The following LIMCH1 variants were observed in gnomAD, a reference collection of about 807,000 sequenced individuals.
LIMCH1 encodes LIM and calponin homology domains-containing protein 1.
Under a neutral mutation model 176.5 loss-of-function variants are expected in LIMCH1, and 113 were observed. That is an observed-to-expected ratio of 0.64 (90% CI 0.55 to 0.75). The LOEUF (loss-of-function observed/expected upper bound fraction) is 0.75, where lower values mean the gene tolerates loss of function less well. Among genes scored for constraint, LIMCH1 ranks in the 30% least tolerant of loss-of-function variants. LIMCH1 has a pLI of 0.00. For synonymous variants in LIMCH1, 619 were observed against 645.9 expected, an observed-to-expected ratio of 0.96 and a Z score of 0.63; for missense variants, 1,674 against 1,814.9, an observed-to-expected ratio of 0.92 and a Z score of 1.41.
At position 41,554,301 on chromosome 4, in the gene LIMCH1, A is replaced by G. The variant is rs116926351; in HGVS notation, c.-241+15951A>G. The stretch of plus-strand genomic sequence containing the variant: ...TTGCTCATGCATCTGAGATGGCTGA[A>G]TTGGTGGCTCTGCTGAGGTTGGCCA... On this transcript the variant is annotated intron_variant, in intron 1 of 31. Coordinates refer to ENST00000503057, the MANE Select transcript of LIMCH1 (RefSeq NM_001330672.2). Among the ~76,000 whole-genome samples, 138 of 152,292 alleles carry G rather than the reference A, an allele frequency of 9.1e-4. 1 individual carries two copies. In the East Asian group the frequency reaches 0.019, roughly 21 times the overall value.
rs2080156113 is a variant in LIMCH1, at chr4:41,550,010, C to A, written c.-241+11660C>A. Among the ~76,000 whole-genome samples the A allele has an allele frequency of 2.0e-5, 3 of 151,524 alleles. No homozygotes were observed. In the South Asian group the frequency reaches 6.3e-4, roughly 32 times the overall value. ...TGGTTTTTGCCATTAAAAATAATGG[C>A]AAAATAAAAAGTAATGGCGAAAACC... On this transcript the variant is annotated intron_variant, in intron 1 of 31. Transcript: ENST00000503057.
At chr4:41,435,939 G>A (rs984245812) in intron 1 of LIMCH1, among the ~76,000 whole-genome samples, 2 of 152,106 alleles carry the variant, frequency 1.3e-5, no homozygotes, top group Admixed American at 1.3e-4. Context: ...TTGCCACTAC[G>A]TGACTCAAAT....
chr4:41,408,841 T>G (rs2059224907), intron 1 of LIMCH1, among the ~76,000 whole-genome samples: 1 of 152,202 alleles, frequency 6.6e-6, no homozygotes, highest in Non-Finnish European at 1.5e-5. Context: ...GGACAACTAT[T>G]GGCCCCAACA....
At chr4:41,581,828 A>AAAAAAAAC (rs2085527320) in intron 1 of LIMCH1, among the ~76,000 whole-genome samples, 1 of 150,470 alleles carries the variant, frequency 6.6e-6, no homozygotes, top group Non-Finnish European at 1.5e-5. Flanking sequence ...AAAAAAAAAA[A>AAAAAAAAC]AACAACAGCA....
rs16853445 is a variant in LIMCH1 at position 41,670,650 on chromosome 4, T to C, written c.3398-904T>C. 8.7e-3 allele frequency: 10,102 copies of C among 1,157,892 alleles called. 367 individuals are homozygous for C. The African/African-American group carries it at 0.096, about 11-fold the overall frequency. 71.7% of individuals were successfully genotyped at this position (1,157,892 alleles called of 1,614,324 possible). On this transcript the variant is annotated intron_variant, in intron 21 of 31. Coordinates refer to ENST00000503057, the MANE Select transcript of LIMCH1 (RefSeq NM_001330672.2). ...AAACTCCCTATAGTACTTGGGAGCA[T>C]GGTTCTATTCAGTTCTCACCCCAGT...
intron 18 of LIMCH1, among the ~76,000 whole-genome samples, chr4:41,657,225 T>A (rs1254849983): frequency 6.6e-6 from 1 of 152,224 alleles, no homozygotes; most frequent in Non-Finnish European, 1.5e-5. Context: ...TGAGAAAGTG[T>A]TACCAGTTGG....
At chr4:41,361,263 A>C (rs924119028) in intron 1 of LIMCH1, among the ~76,000 whole-genome samples, 4 of 152,214 alleles carry the variant, frequency 2.6e-5, no homozygotes, top group Non-Finnish European at 5.9e-5. Flanking sequence ...TGCCAAGGGA[A>C]GCGCAGTGCT....
chr4:41,689,646 A>T lies in LIMCH1; in HGVS notation c.4275+11A>T. 1 of 1,486,254 alleles carries T rather than the reference A, an allele frequency of 6.7e-7. No individual in the cohort carries two copies. Among genetic ancestry groups the T allele is most frequent in the Non-Finnish European group, 9.4e-7 (1 of 1,063,790 alleles). 92.1% of individuals were successfully genotyped at this position (1,486,254 alleles called of 1,614,324 possible). A position where few individuals can be genotyped will look rare whatever the true frequency, so the allele number is the denominator to read the frequency against. On this transcript the variant is annotated intron_variant, in intron 30 of 31. Transcript: ENST00000503057. ...ATCCAGTGTTTCAGGGTACGTACTTACTGCTTTGCTCTCCAGACACAACTT... is the reference window on the plus strand; with the variant it reads ...ATCCAGTGTTTCAGGGTACGTACTTTCTGCTTTGCTCTCCAGACACAACTT...
chr4:41,467,409 G>A (rs568527113), intron 1 of LIMCH1, among the ~76,000 whole-genome samples: 3 of 152,266 alleles, frequency 2.0e-5, no homozygotes, highest in East Asian at 1.9e-4. Context: ...GAGGTTTAAC[G>A]AATTCACAGT....
At chr4:41,472,935 A>G (rs2067196948) in intron 1 of LIMCH1, 1 of 710,042 alleles carries the variant, frequency 1.4e-6, no homozygotes. Flanking sequence ...CATCCCATGG[A>G]GCTAGGATTC....
At chr4:41,563,010 T>C (rs2082258440) in intron 1 of LIMCH1, among the ~76,000 whole-genome samples, 1 of 152,218 alleles carries the variant, frequency 6.6e-6, no homozygotes, top group Non-Finnish European at 1.5e-5. Context: ...AAGATGGGTC[T>C]ATTTTCCTCT....
At chr4:41,384,228 G>T (rs908916856) in intron 1 of LIMCH1, among the ~76,000 whole-genome samples, 1 of 150,820 alleles carries the variant, frequency 6.6e-6, no homozygotes, top group Non-Finnish European at 1.5e-5. Context: ...TTTTTGAGAC[G>T]GAGTCTTGCT....
At chr4:41,478,011 G>A (rs1008365580) in intron 1 of LIMCH1, among the ~76,000 whole-genome samples, 4 of 152,060 alleles carry the variant, frequency 2.6e-5, no homozygotes, top group African/African-American at 4.8e-5. Flanking sequence ...AGCATTTCTC[G>A]CCACAGTGTT....
intron 1 of LIMCH1, among the ~76,000 whole-genome samples, chr4:41,449,122 T>C (rs1342048415): frequency 1.3e-5 from 2 of 152,092 alleles, no homozygotes; most frequent in Non-Finnish European, 2.9e-5. Context: ...CAGGCCCAGT[T>C]TGGTCTGGGC....
At chr4:41,567,498 A>G (rs548747292) in intron 1 of LIMCH1, among the ~76,000 whole-genome samples, 72 of 152,320 alleles carry the variant, frequency 4.7e-4, no homozygotes, top group African/African-American at 1.6e-3. Context: ...GTAGTAATAT[A>G]TGACTGAGGC....
rs73233717 is a variant in LIMCH1, at chr4:41,586,060, C to T, written c.-240-12860C>T. ...CTTTTCCTTTCCCTTCCTTTCCCTCCCCTCCCCTCCGCTCCCTCTCCTCCC... is the reference window on the plus strand; with the variant it reads ...CTTTTCCTTTCCCTTCCTTTCCCTCTCCTCCCCTCCGCTCCCTCTCCTCCC... On this transcript the variant is annotated intron_variant, in intron 1 of 31. Transcript: ENST00000503057. Among the ~76,000 whole-genome samples the T allele has an allele frequency of 5.6e-3, 788 of 140,562 alleles. 4 individuals carry two copies. Among genetic ancestry groups the T allele is most frequent in the Non-Finnish European group, 0.01 (671 of 64,542 alleles). The allele number at this position is 140,562 out of a possible 152,430, so 92.2% of individuals were successfully genotyped here. A position where few individuals can be genotyped will look rare whatever the true frequency, so the allele number is the denominator to read the frequency against.
At chr4:41,444,911 G>A (rs2063119173) in intron 1 of LIMCH1, among the ~76,000 whole-genome samples, 1 of 151,994 alleles carries the variant, frequency 6.6e-6, no homozygotes, top group African/African-American at 2.4e-5. Context: ...AAAGAGCTGA[G>A]TTATTTACTG....
intron 4 of LIMCH1, among the ~76,000 whole-genome samples, chr4:41,607,882 A>G (rs1307565018): frequency 6.6e-6 from 1 of 152,236 alleles, no homozygotes; most frequent in Non-Finnish European, 1.5e-5. Context: ...ATCTCCATCT[A>G]GAGAGAAAAT....
At chr4:41,360,215 A>G (rs781056569), upstream of LIMCH1, among the ~76,000 whole-genome samples, 20 of 152,120 alleles carry the variant, frequency 1.3e-4, no homozygotes, top group Non-Finnish European at 2.6e-4. The surrounding 1 kb of genome is among the most constrained non-coding windows in gnomAD (Gnocchi z 4.5). Context: ...TTACAAAAAG[A>G]TCAGGTGGCT....
Sources: gnomAD v4.1 joint callset for allele counts (sites outside exome capture counted in the v4.1 genomes callset) on GRCh38, gnomAD v4.1.1 for gene constraint, Gnocchi (gnomAD v3.1) non-coding constraint, MANE v1.5 for transcripts, NCBI Gene and HGNC (gene_info 2026-07-23, HGNC 2026-07-21) for gene names.